Variants in OPRM1 observed in about 807,000 individuals in gnomAD.
OPRM1 encodes the protein opioid receptor mu 1.
OPRM1 carries 27 observed loss-of-function variants against 31.8 expected under a neutral mutation model. The observed-to-expected ratio is 0.85, with a 90% confidence interval of 0.63 to 1.17. The LOEUF (loss-of-function observed/expected upper bound fraction) is 1.17. OPRM1 is among the 50% of genes most tolerant of loss of function. The pLI is 0.00. For missense variants in OPRM1, 536 were observed against 511.1 expected (o/e 1.05, Z -0.47); for synonymous variants, 196 against 189.9 (o/e 1.03, Z -0.26).
intron 1 of OPRM1, among the ~76,000 whole-genome samples, chr6:154,045,899 T>G (rs1176531422): frequency 1.3e-5 from 2 of 152,150 alleles, no homozygotes; most frequent in South Asian, 4.1e-4. Flanking sequence ...AGGTGCCAAC[T>G]ACAAGGCACA....
intron 3 of OPRM1, among the ~76,000 whole-genome samples, chr6:154,114,467 G>A (rs1796658428): frequency 6.6e-6 from 1 of 152,110 alleles, no homozygotes; most frequent in African/African-American, 2.4e-5. Context: ...AGAGAGAGAG[G>A]CTTGTCCTGT....
At chr6:154,197,976 A>G (rs1316083591) in intron 3 of OPRM1, among the ~76,000 whole-genome samples, 4 of 152,188 alleles carry the variant, frequency 2.6e-5, no homozygotes, top group Admixed American at 6.5e-5. Flanking sequence ...TCTAAGCATC[A>G]AGATAGAGGT....
At chr6:154,039,026 T>C (rs1779500831), upstream of OPRM1, 1 of 1,035,768 alleles carries the variant, frequency 9.7e-7, no homozygotes, top group South Asian at 1.7e-5. Flanking sequence ...CAAGCCAATG[T>C]ATTCCCTGCC....
At chr6:154,114,625 A>G (rs1796674922) in intron 3 of OPRM1, among the ~76,000 whole-genome samples, 1 of 152,188 alleles carries the variant, frequency 6.6e-6, no homozygotes, top group Non-Finnish European at 1.5e-5. Flanking sequence ...GCCAAAATCA[A>G]AAATGGCACA....
intron 3 of OPRM1, among the ~76,000 whole-genome samples, chr6:154,246,220 TAG>T (rs376547737): frequency 4.3e-4 from 66 of 152,280 alleles, no homozygotes; most frequent in African/African-American, 1.5e-3. Context: ...CTCCTTTTAG[TAG>T]AGAGACCTTA....
At chr6:154,152,339 G>GAAAAA in intron 3 of OPRM1, among the ~76,000 whole-genome samples, 1 of 36,268 alleles carries the variant, frequency 2.8e-5, no homozygotes, top group African/African-American at 9.1e-5. Context: ...AAGAAAGAAA[G>GAAAAA]AAAGAAAGGA....
At chr6:154,049,547 T>TA (rs772104918) in intron 1 of OPRM1, among the ~76,000 whole-genome samples, 2 of 152,164 alleles carry the variant, frequency 1.3e-5, no homozygotes, top group African/African-American at 2.4e-5. Flanking sequence ...AATTTTCAAA[T>TA]ACAGAATCCT....
rs115336666 is a variant in OPRM1, at chr6:154,236,204, G to A, written c.1165-10489G>A. On this transcript the variant is annotated intron_variant, in intron 3 of 3. Coordinates refer to the OPRM1 transcript ENST00000337049. ...TGTGGTACACACATCAAGGGGATAAGATTCAGCTTAAAAAGGAAGACAATT... is the reference window on the plus strand; with the variant it reads ...TGTGGTACACACATCAAGGGGATAAAATTCAGCTTAAAAAGGAAGACAATT... 7.9e-3 allele frequency among the ~76,000 whole-genome samples: 1,196 copies of A among 152,318 alleles called. 20 individuals are homozygous for A. The highest frequency in any genetic ancestry group is 0.027 in the African/African-American group (1,134 of 41,560).
chr6:154,205,242 A>C (rs1386792813), intron 3 of OPRM1, among the ~76,000 whole-genome samples: 1 of 152,156 alleles, frequency 6.6e-6, no homozygotes, highest in Non-Finnish European at 1.5e-5. Context: ...TGCTCAAGGG[A>C]GAAGACACCA....
At chr6:154,047,438 TTCTCTCTCTCTC>T (rs61704475) in intron 1 of OPRM1, among the ~76,000 whole-genome samples, 11 of 146,506 alleles carry the variant, frequency 7.5e-5, no homozygotes, top group Admixed American at 2.0e-4. Flanking sequence ...GTGGGCAAAA[TTCTCTCTCTCTC>T]TCTCTCTCTC....
chr6:154,162,181 A>G (rs1799081560), intron 3 of OPRM1, among the ~76,000 whole-genome samples: 1 of 152,160 alleles, frequency 6.6e-6, no homozygotes, highest in South Asian at 2.1e-4. Context: ...CCGCTCTCCT[A>G]CTCAAGAAAT....
rs570065841 is a variant in OPRM1, at chr6:154,099,146, G to A, written c.1164+7674G>A. Among the ~76,000 whole-genome samples the A allele has an allele frequency of 1.3e-4, 20 of 152,064 alleles. 1 individual carries two copies. The South Asian group carries it at 2.5e-3, about 19-fold the overall frequency. ...AACAAACAAACAAAAAAAGCCAGGC[G>A]CGGTGGCATGCACCTGTAGGTCTAG... On this transcript the variant is annotated intron_variant, in intron 3 of 3. Coordinates refer to ENST00000330432, the MANE Select transcript of OPRM1 (RefSeq NM_000914.5).
At position 154,180,414 on chromosome 6, in the gene OPRM1, A is replaced by ATATATTTTT. The variant is rs1241250621; in HGVS notation, c.1165-66278_1165-66277insATATTTTTT. Among the ~76,000 whole-genome samples the ATATATTTTT allele has an allele frequency of 5.3e-3, 345 of 65,106 alleles. 2 individuals carry two copies. Among genetic ancestry groups the ATATATTTTT allele is most frequent in the African/African-American group, 0.015 (311 of 20,704 alleles). 42.7% of individuals were successfully genotyped at this position (65,106 alleles called of 152,430 possible). On this transcript the variant is annotated intron_variant, in intron 3 of 3. Coordinates refer to the OPRM1 transcript ENST00000337049. Reference sequence around the variant, plus strand: ...TATATATATATATATATATATATATATTTTTTTTTTAAACATGATCCTTCT... The same window carrying ATATATTTTT: ...TATATATATATATATATATATATATATATATTTTTTTTTTTTTTTAAACATGATCCTTCT...
intron 3 of OPRM1, chr6:154,221,123 G>T: frequency 1.5e-6 from 1 of 669,660 alleles, no homozygotes; most frequent in Non-Finnish European, 2.5e-6. Context: ...CATTGTAACT[G>T]CTAAATAAAT....
At chr6:154,023,256 A>C (rs1032608490) in intron 1 of OPRM1, among the ~76,000 whole-genome samples, 7 of 152,156 alleles carry the variant, frequency 4.6e-5, no homozygotes, top group Non-Finnish European at 7.4e-5. Context: ...TTCACTATAG[A>C]CATCTGTCAC....
intron 3 of OPRM1, among the ~76,000 whole-genome samples, chr6:154,183,999 A>G (rs886407968): frequency 2.0e-5 from 3 of 152,166 alleles, no homozygotes; most frequent in African/African-American, 7.2e-5. Flanking sequence ...TCAAGTACAC[A>G]ATGTAGTACT....
At chr6:154,162,670 TA>T (rs2128548865) in intron 3 of OPRM1, among the ~76,000 whole-genome samples, 1 of 151,340 alleles carries the variant, frequency 6.6e-6, no homozygotes, top group South Asian at 2.1e-4. Flanking sequence ...TGGAGTGTTC[TA>T]AAGCCCCAGC....
At chr6:154,149,985 G>T (rs1050556444) in intron 3 of OPRM1, among the ~76,000 whole-genome samples, 1 of 152,156 alleles carries the variant, frequency 6.6e-6, no homozygotes, top group African/African-American at 2.4e-5. Context: ...TCACCAGCAC[G>T]TCCCAATTGC....
At chr6:154,206,280 T>C (rs537770234) in intron 3 of OPRM1, among the ~76,000 whole-genome samples, 2 of 152,240 alleles carry the variant, frequency 1.3e-5, no homozygotes, top group Non-Finnish European at 2.9e-5. Flanking sequence ...ACAAGATTTC[T>C]GTGAGAGTCA....
Sources: allele counts gnomAD v4.1 joint callset (sites outside exome capture counted in the v4.1 genomes callset), GRCh38; gene constraint gnomAD v4.1.1; transcripts MANE v1.5; gene names NCBI Gene and HGNC (gene_info 2026-07-23, HGNC 2026-07-21).